PRPF18: variants seen among roughly 807,000 people sequenced by gnomAD.
The protein encoded by PRPF18 is pre-mRNA processing factor 18.
PRPF18 carries 38 observed loss-of-function variants against 46.5 expected under a neutral mutation model. That is an observed-to-expected ratio of 0.82 (90% CI 0.63 to 1.07). The LOEUF is 1.07. Ranked by LOEUF, PRPF18 falls within the 50% of genes least tolerant of loss-of-function variation. The pLI, the probability that PRPF18 is intolerant of heterozygous loss-of-function variation, is 0.00. For synonymous variants in PRPF18, 152 were observed against 146.7 expected (o/e 1.04, Z -0.26); for missense variants, 263 against 410.0 (o/e 0.64, Z 3.10).
chr10:13,600,142 A>G (rs2080085371), intron 2 of PRPF18, 102 bp from the exon 3 acceptor site: 1 of 866,872 alleles, frequency 1.2e-6, no homozygotes. Context: ...GAAAATCTTC[A>G]GTGTTGAAAA....
the PRPF18 span, chr10:13,647,741 T>C: frequency 6.6e-6 from 1 of 151,938 alleles, no homozygotes; most frequent in East Asian, 1.9e-4. Flanking sequence ...GCTTTTTTTT[T>C]TTTTTTTAAG....
the PRPF18 span, chr10:13,655,797 T>C: frequency 6.6e-6 from 1 of 152,256 alleles, no homozygotes; most frequent in Non-Finnish European, 1.5e-5. Context: ...TTATGATGTT[T>C]ACCATTTCTC....
intron 1 of PRPF18, chr10:13,591,968 C>T: frequency 9.4e-7 from 1 of 1,062,862 alleles, no homozygotes; most frequent in Non-Finnish European, 1.4e-6. Flanking sequence ...GCTTTTGAGG[C>T]ACATCTTCAG....
rs1040046283 is a variant in PRPF18, at chr10:13,628,879, C to T, written c.949-1381C>T. Among the ~76,000 whole-genome samples, 15 of 152,244 alleles carry T rather than the reference C, an allele frequency of 9.9e-5. No homozygotes were observed. The East Asian group carries it at 2.7e-3, about 27-fold the overall frequency. ...CTTCCCAAGATCGTTTTGGAGAGAG[C>T]TCAATCGTGGTGTGTCTCAGGTCTC... On this transcript the variant is annotated intron_variant, in intron 9 of 9. Coordinates refer to ENST00000378572, the MANE Select transcript of PRPF18 (RefSeq NM_003675.4).
the PRPF18 span, chr10:13,639,185 CTGA>C: frequency 0.55 from 83,772 of 151,772 alleles, 23,526 homozygotes; most frequent in East Asian, 0.79. Flanking sequence ...ACAGATGGAA[CTGA>C]TGTTAAAAGC....
chr10:13,625,058 G>A (rs114689704), intron 9 of PRPF18, among the ~76,000 whole-genome samples: 2 of 152,330 alleles, frequency 1.3e-5, no homozygotes, highest in African/African-American at 4.8e-5. Flanking sequence ...TAGAGGCCAA[G>A]CGTGGTGGCT....
intron 3 of PRPF18, among the ~76,000 whole-genome samples, chr10:13,605,300 A>T (rs1490672999): frequency 6.6e-6 from 1 of 152,152 alleles, no homozygotes; most frequent in Non-Finnish European, 1.5e-5. Context: ...CAAAAGTTTA[A>T]TAGCTGGGCA....
chr10:13,617,620 C>G (rs1314023932), intron 9 of PRPF18, among the ~76,000 whole-genome samples: 1 of 151,664 alleles, frequency 6.6e-6, no homozygotes, highest in Non-Finnish European at 1.5e-5. Context: ...TTGTGTTCAT[C>G]TATATTGTGG....
chr10:13,609,324 G>T (rs1024038407), intron 4 of PRPF18, among the ~76,000 whole-genome samples: 2 of 152,170 alleles, frequency 1.3e-5, no homozygotes, highest in African/African-American at 4.8e-5. Flanking sequence ...TTCTGTAGGT[G>T]AGTCTACTGA....
At chr10:13,620,292 G>C (rs948387868) in intron 9 of PRPF18, among the ~76,000 whole-genome samples, 1 of 152,192 alleles carries the variant, frequency 6.6e-6, no homozygotes, top group Non-Finnish European at 1.5e-5. Context: ...AGGCAAGTGG[G>C]CTGAGAACCA....
At chr10:13,622,834 A>G (rs1036810196) in intron 9 of PRPF18, among the ~76,000 whole-genome samples, 1 of 152,178 alleles carries the variant, frequency 6.6e-6, no homozygotes, top group Non-Finnish European at 1.5e-5. Context: ...GGCTGAACCC[A>G]GATCAGTAAT....
chr10:13,651,882 ACAAAACTCCCCTTACGG>A, the PRPF18 span: 2 of 1,323,978 alleles, frequency 1.5e-6, no homozygotes, highest in East Asian at 4.6e-5. Flanking sequence ...GGCAGTAGGA[ACAAAACTCCCCTTACGG>A]TACCTCTATT....
chr10:13,633,366 C>T (rs1279092790), downstream of PRPF18, among the ~76,000 whole-genome samples: 5 of 152,174 alleles, frequency 3.3e-5, no homozygotes, highest in Non-Finnish European at 5.9e-5. Flanking sequence ...ATATCCTGAC[C>T]TACTCCAGCA....
chr10:13,622,758 A>G (rs1311032051), intron 9 of PRPF18, among the ~76,000 whole-genome samples: 3 of 152,168 alleles, frequency 2.0e-5, no homozygotes, highest in Non-Finnish European at 4.4e-5. Flanking sequence ...TTGTATGTTT[A>G]ATACTTACAG....
At chr10:13,624,200 A>G (rs1176108932) in intron 9 of PRPF18, among the ~76,000 whole-genome samples, 1 of 151,950 alleles carries the variant, frequency 6.6e-6, no homozygotes, top group Non-Finnish European at 1.5e-5. Flanking sequence ...CTGGTCTCGA[A>G]CTCCTGACCT....
At chr10:13,619,070 T>A (rs2080388253) in intron 9 of PRPF18, among the ~76,000 whole-genome samples, 1 of 152,208 alleles carries the variant, frequency 6.6e-6, no homozygotes, top group South Asian at 2.1e-4. Flanking sequence ...TCACATGTGC[T>A]GTTCACAATA....
chr10:13,624,223 C>T (rs998006784), intron 9 of PRPF18, among the ~76,000 whole-genome samples: 4 of 152,252 alleles, frequency 2.6e-5, no homozygotes, highest in Non-Finnish European at 5.9e-5. Flanking sequence ...AGTGATCTGC[C>T]TGCCTTGGCC....
intron 4 of PRPF18, among the ~76,000 whole-genome samples, chr10:13,609,154 C>G (rs2080235375): frequency 6.6e-6 from 1 of 152,182 alleles, no homozygotes; most frequent in African/African-American, 2.4e-5. Context: ...GCACCGTGCT[C>G]CAGTAACTGT....
chr10:13,617,029 T>C (rs527722322), intron 9 of PRPF18, among the ~76,000 whole-genome samples: 2 of 152,364 alleles, frequency 1.3e-5, no homozygotes, highest in East Asian at 1.9e-4. Context: ...TCTTTAGTCA[T>C]GTGAATAGGT....
Sources: gnomAD v4.1 joint callset for allele counts (sites outside exome capture counted in the v4.1 genomes callset) on GRCh38, gnomAD v4.1.1 for gene constraint, MANE v1.5 for transcripts, NCBI Gene and HGNC (gene_info 2026-07-23, HGNC 2026-07-21) for gene names.